Variants in GSE1 observed in about 807,000 individuals in gnomAD.
The protein encoded by GSE1 is Gse1 coiled-coil protein.
In GSE1, 32 loss-of-function variants were observed where a neutral mutation model predicts 112.6. The observed-to-expected ratio is 0.28, with a 90% CI of 0.21 to 0.38. The LOEUF is 0.38. Among genes scored for constraint, GSE1 ranks in the 10% least tolerant of loss-of-function variants. The pLI, the probability that GSE1 is intolerant of heterozygous loss-of-function variation, is 1.00. For synonymous variants in GSE1, 1,115 were observed against 735.6 expected (o/e 1.52, Z -8.35); for missense variants, 2,348 against 1,699.2 (o/e 1.38, Z -6.71).
chr16:85,365,109 C>A (rs1026068497), intron 2 of GSE1, among the ~76,000 whole-genome samples: 1 of 152,190 alleles, frequency 6.6e-6, no homozygotes, highest in African/African-American at 2.4e-5. Flanking sequence ...GGGTGGGAAG[C>A]CCCTTACTTC....
intron 2 of GSE1, among the ~76,000 whole-genome samples, chr16:85,397,312 G>A (rs979442694): frequency 2.0e-5 from 3 of 152,206 alleles, no homozygotes; most frequent in Non-Finnish European, 2.9e-5. Flanking sequence ...CTCAGGCTGC[G>A]ACCCCCGCTC....
chr16:85,183,444 G>GT (rs776193164), intron 1 of GSE1, among the ~76,000 whole-genome samples: 29 of 152,204 alleles, frequency 1.9e-4, no homozygotes, highest in Admixed American at 5.2e-4. Flanking sequence ...AAGGTACAGG[G>GT]TGGGGTTGGA....
chr16:85,330,381 G>A (rs927956600), intron 1 of GSE1, among the ~76,000 whole-genome samples: 3 of 152,196 alleles, frequency 2.0e-5, no homozygotes, highest in African/African-American at 7.2e-5. Context: ...AAGAAAGGAC[G>A]GGTAACAGTC....
chr16:85,386,496 G>T (rs2047691900), intron 2 of GSE1, among the ~76,000 whole-genome samples: 2 of 152,222 alleles, frequency 1.3e-5, no homozygotes, highest in South Asian at 4.1e-4. Flanking sequence ...GGCAGCTTGG[G>T]CACCTACTGC....
At chr16:85,322,011 C>T (rs977083407) in intron 1 of GSE1, among the ~76,000 whole-genome samples, 1 of 152,340 alleles carries the variant, frequency 6.6e-6, no homozygotes, top group East Asian at 1.9e-4. Context: ...GGCCGCGGCT[C>T]CTCCCTGCCT....
chr16:85,572,461 C>CA (rs1276682487), intron 1 of GSE1, among the ~76,000 whole-genome samples: 20 of 100,524 alleles, frequency 2.0e-4, no homozygotes, highest in African/African-American at 5.1e-4. Context: ...ATACCACACA[C>CA]ACAACACACA....
chr16:85,216,989 A>G (rs561936627), intron 1 of GSE1, among the ~76,000 whole-genome samples: 12 of 152,294 alleles, frequency 7.9e-5, no homozygotes, highest in African/African-American at 2.9e-4. Flanking sequence ...CTTGTGTGGG[A>G]TGAAGGAGCG....
intron 1 of GSE1, among the ~76,000 whole-genome samples, chr16:85,602,157 C>T (rs184118564): frequency 6.6e-6 from 1 of 152,282 alleles, no homozygotes; most frequent in Non-Finnish European, 1.5e-5. Flanking sequence ...AGGCACTTAA[C>T]GAATGCTGAT....
At chr16:85,665,901 C>T in intron 12 of GSE1, 75 bp from the exon 13 acceptor site, 1 of 1,424,560 alleles carries the variant, frequency 7.0e-7, no homozygotes. Context: ...GCTCTAGAGA[C>T]CAGGATCTGC....
intron 2 of GSE1, among the ~76,000 whole-genome samples, chr16:85,469,396 G>A (rs1336143004): frequency 6.6e-6 from 1 of 152,208 alleles, no homozygotes; most frequent in Non-Finnish European, 1.5e-5. Flanking sequence ...GGATGCGCTG[G>A]CGCCCACCAG....
At chr16:85,464,518 C>T (rs995265879) in intron 2 of GSE1, among the ~76,000 whole-genome samples, 3 of 152,250 alleles carry the variant, frequency 2.0e-5, no homozygotes, top group South Asian at 2.1e-4. Flanking sequence ...AGCCCCCAGA[C>T]GGCCTCACCA....
intron 1 of GSE1, among the ~76,000 whole-genome samples, chr16:85,267,344 A>C (rs1908355118): frequency 6.6e-6 from 1 of 151,322 alleles, no homozygotes; most frequent in Admixed American, 6.6e-5. Context: ...CAGCTTTTCC[A>C]CCCCTGCCTT....
chr16:85,555,497 C>A (rs2045157984), upstream of GSE1: 1 of 984,970 alleles, frequency 1.0e-6, no homozygotes, highest in Non-Finnish European at 1.2e-6. Flanking sequence ...CTTTTATTTA[C>A]GAGAAGAAAT....
At chr16:85,361,398 C>G (rs974189568) in intron 2 of GSE1, among the ~76,000 whole-genome samples, 1 of 151,698 alleles carries the variant, frequency 6.6e-6, no homozygotes, top group African/African-American at 2.4e-5. Context: ...CACAAACACA[C>G]AGACACACAC....
Position 85,395,428 on chromosome 16 carries a change from C to T in GSE1, c.2464+37785C>T, listed in dbSNP as rs191024955. On this transcript the variant is annotated intron_variant, in intron 2 of 2. Transcript: ENST00000637419. ...GTTTCACAGGTGGGCACACCAAGGCCCGACAATGGGTCCAGGCTGCCAAGG... is the reference window on the plus strand; with the variant it reads ...GTTTCACAGGTGGGCACACCAAGGCTCGACAATGGGTCCAGGCTGCCAAGG... 7.9e-4 allele frequency among the ~76,000 whole-genome samples: 120 copies of T among 152,228 alleles called. 1 individual carries two copies. The highest frequency in any genetic ancestry group is 2.6e-3 in the African/African-American group (108 of 41,540).
intron 2 of GSE1, among the ~76,000 whole-genome samples, chr16:85,635,199 G>A (rs887024093): frequency 1.3e-5 from 2 of 152,142 alleles, no homozygotes; most frequent in Non-Finnish European, 2.9e-5. Flanking sequence ...CTGCTCGTTG[G>A]AGAATGGGGG....
chr16:85,416,069 G>A (rs189404876), intron 2 of GSE1, among the ~76,000 whole-genome samples: 4 of 152,286 alleles, frequency 2.6e-5, no homozygotes, highest in Admixed American at 2.0e-4. Context: ...GAGCATTAAA[G>A]CCGGGCCTAT....
At position 85,662,992 on chromosome 16, in the gene GSE1, G is replaced by A. The variant is rs374085397; in HGVS notation, c.2272G>A (p.Asp758Asn). The change falls in exon 10 of 16, where the codon GAC becomes AAC. Residue 758 changes from aspartate (D) to asparagine (N), a missense_variant. By Grantham distance (23) the Asp-to-Asn change is conservative (BLOSUM62 1). Transcript: ENST00000253458. ...REAQEKGYYY[D>N]LDDSYDESDE... ...CATTTCTCCATCAGGGTACTACTAC[G>A]ACCTCGATGACTCTTACGACGAGAG... The A allele has an allele frequency of 9.3e-6, 15 of 1,607,220 alleles. No individual in the cohort carries two copies. The highest frequency in any genetic ancestry group is 1.3e-5 in the African/African-American group (1 of 74,900).
At chr16:85,671,189 T>C (rs777060563) in intron 15 of GSE1, 91 bp downstream of exon 15, 468 of 757,324 alleles carry the variant, frequency 6.2e-4, no homozygotes, top group Non-Finnish European at 9.7e-4. Context: ...AGAGAGGAAA[T>C]GTGCTCTTAA....
Sources: gnomAD v4.1 joint callset for allele counts (sites outside exome capture counted in the v4.1 genomes callset) on GRCh38, gnomAD v4.1.1 for gene constraint, MANE v1.5 for transcripts, NCBI Gene and HGNC (gene_info 2026-07-23, HGNC 2026-07-21) for gene names.